FIGN: variants seen among roughly 807,000 people sequenced by gnomAD.
FIGN encodes the protein fidgetin.
A neutral mutation model predicts 51.3 loss-of-function variants in FIGN; 11 were observed. The ratio of observed to expected loss-of-function variants is 0.21; its 90% confidence interval spans 0.13 to 0.35. The LOEUF is 0.35. Among genes scored for constraint, FIGN ranks in the 10% least tolerant of loss-of-function variants. The pLI, the probability that FIGN is intolerant of heterozygous loss-of-function variation, is 1.00. For missense variants in FIGN, 857 were observed against 943.6 expected, an observed-to-expected ratio of 0.91 and a Z score of 1.20; for synonymous variants, 407 against 363.2, an observed-to-expected ratio of 1.12 and a Z score of -1.37.
chr2:163,616,987 A>T, intron 2 of FIGN: 1 of 521,574 alleles, frequency 1.9e-6, no homozygotes, highest in Non-Finnish European at 2.5e-6. Flanking sequence ...TGCAATATCT[A>T]CTTATTATCA....
At chr2:163,620,788 A>T (rs1682955511) in intron 2 of FIGN, among the ~76,000 whole-genome samples, 1 of 151,934 alleles carries the variant, frequency 6.6e-6, no homozygotes, top group Admixed American at 6.6e-5. Context: ...AGTATATTTC[A>T]TCAATCATAA....
intron 2 of FIGN, among the ~76,000 whole-genome samples, chr2:163,643,344 A>G (rs1683332440): frequency 6.6e-6 from 1 of 152,130 alleles, no homozygotes; most frequent in Non-Finnish European, 1.5e-5. Flanking sequence ...ACGAAGTTGG[A>G]CTCCACTTTA....
intron 2 of FIGN, among the ~76,000 whole-genome samples, chr2:163,688,724 G>T (rs1684193235): frequency 6.6e-6 from 1 of 152,108 alleles, no homozygotes; most frequent in Non-Finnish European, 1.5e-5. Context: ...GGTCGCAAGA[G>T]GGAGAACCTA....
intron 2 of FIGN, among the ~76,000 whole-genome samples, chr2:163,675,213 A>T (rs1683937455): frequency 6.6e-6 from 1 of 152,148 alleles, no homozygotes; most frequent in Admixed American, 6.5e-5. Context: ...TTTTCTTGTC[A>T]CTTCTTCCAT....
intron 2 of FIGN, among the ~76,000 whole-genome samples, chr2:163,640,533 T>C (rs560853966): frequency 8.3e-4 from 127 of 152,280 alleles, no homozygotes; most frequent in African/African-American, 3.0e-3. Flanking sequence ...TGATTTTAAA[T>C]ATAATTTACT....
intron 2 of FIGN, among the ~76,000 whole-genome samples, chr2:163,655,804 C>CACACAG (rs374458554): frequency 2.0e-4 from 29 of 145,850 alleles, no homozygotes; most frequent in African/African-American, 6.8e-4. Flanking sequence ...CACACACACA[C>CACACAG]AGAGAGAGAG....
In FIGN at chr2:163,656,514, G is replaced by A. The variant is rs1683561189; in HGVS notation, c.26-44708C>T. On this transcript the variant is annotated intron_variant, in intron 2 of 2. Transcript: ENST00000333129. ...CTGACCAAGGCAGGCCACACTCCTG[G>A]AGGGGCTCATCAAACCAAACTTCTG... is the stretch of plus-strand genomic sequence containing the variant. 2.0e-5 allele frequency among the ~76,000 whole-genome samples: 3 copies of A among 152,058 alleles called. 1 individual carries two copies. The highest frequency in any genetic ancestry group is 6.3e-3 in the Middle Eastern group (2 of 316).
At chr2:163,656,870 G>T (rs1683567099) in intron 2 of FIGN, among the ~76,000 whole-genome samples, 1 of 152,072 alleles carries the variant, frequency 6.6e-6, no homozygotes, top group African/African-American at 2.4e-5. Context: ...TACCTTTAGA[G>T]CCCAGGAAAA....
rs775588494 is a variant in FIGN at position 163,609,690 on chromosome 2, T to C, written c.2142A>G (p.Ser714=). 6.2e-7 allele frequency: 1 copy of C among 1,614,122 alleles called. No homozygotes were observed. The highest frequency in any genetic ancestry group is 1.1e-5 in the South Asian group (1 of 91,086). The change falls in exon 3 of 3, where the codon TCA becomes TCG. Residue 714 remains serine, a synonymous_variant. Transcript: ENST00000333129. ...PLHAMPATDL[S]AIMPSQLRPV... is the part of the protein sequence containing the mutation. ...GCCTCAACTGGCTGGGCATAATGGC[T>C]GAAAGGTCTGTGGCTGGCATGGCAT... is the stretch of plus-strand genomic sequence containing the variant.
At chr2:163,667,338 CA>C (rs397952314) in intron 2 of FIGN, among the ~76,000 whole-genome samples, 318 of 127,486 alleles carry the variant, frequency 2.5e-3, no homozygotes, top group African/African-American at 5.6e-3. Flanking sequence ...ACTATCCCCA[CA>C]AAAAAAAAAA....
chr2:163,610,017 C>T lies in FIGN; in HGVS notation c.1815G>A (p.Met605Ile), dbSNP rs1691200892. 1 of 1,614,094 alleles carries T rather than the reference C, an allele frequency of 6.2e-7. No homozygotes were observed. Among genetic ancestry groups the T allele is most frequent in the South Asian group, 1.1e-5 (1 of 91,072 alleles). ...CCAGTTGCATCAGAAATTCGGTTCTCATCCGACTGACTGGACTATGTTCCT... is the reference window on the plus strand; with the variant it reads ...CCAGTTGCATCAGAAATTCGGTTCTTATCCGACTGACTGGACTATGTTCCT... ...VNEEHSPVSR[M>I]RTEFLMQLDT... is the part of the protein sequence containing the mutation. The change falls in exon 3 of 3, where the codon ATG (methionine) becomes ATA (isoleucine). Residue 605 changes from methionine to isoleucine, a missense_variant. Met to Ile is a conservative substitution (Grantham distance 10, BLOSUM62 1). This residue lies in a region of FIGN where 799 missense variants were observed against 849.5 expected (regional missense o/e 0.94). Transcript: ENST00000333129.
chr2:163,715,249 G>A (rs764687015), intron 2 of FIGN, among the ~76,000 whole-genome samples: 2 of 152,144 alleles, frequency 1.3e-5, no homozygotes, highest in Non-Finnish European at 2.9e-5. Flanking sequence ...CTCAGTACTC[G>A]AGCTCACCAG....
Position 163,647,661 on chromosome 2 carries a change from T to G in FIGN, c.26-35855A>C, listed in dbSNP as rs567495712. On this transcript the variant is annotated intron_variant, in intron 2 of 2. Transcript: ENST00000333129. Reference sequence around the variant, plus strand: ...TTTTCTTCCATAACCTGATTATTTTTCAGTAACAAACTTTATAAAACAAGA... The same window carrying G: ...TTTTCTTCCATAACCTGATTATTTTGCAGTAACAAACTTTATAAAACAAGA... Among the ~76,000 whole-genome samples, 9 of 152,332 alleles carry G rather than the reference T, an allele frequency of 5.9e-5. No individual in the cohort carries two copies. The East Asian group carries it at 1.7e-3, about 29-fold the overall frequency.
At chr2:163,708,730 G>A (rs1684541276) in intron 2 of FIGN, among the ~76,000 whole-genome samples, 1 of 152,098 alleles carries the variant, frequency 6.6e-6, no homozygotes. Flanking sequence ...GGGCAGGAGT[G>A]GACGGTGCTG....
chr2:163,713,935 C>T (rs771248900), intron 2 of FIGN, among the ~76,000 whole-genome samples: 148 of 152,280 alleles, frequency 9.7e-4, no homozygotes, highest in Non-Finnish European at 1.7e-3. Flanking sequence ...GCTCTCCCTC[C>T]GTTACATACC....
rs530828126 is a variant in FIGN at position 163,620,407 on chromosome 2, T to G, written c.26-8601A>C. On this transcript the variant is annotated intron_variant, in intron 2 of 2. Coordinates refer to ENST00000333129, the MANE Select transcript of FIGN (RefSeq NM_018086.4). ...CAGTGGCTAATGAATATGTATGTTC[T>G]GTGTCACAACAGAGCACTACCCTTG... Among the ~76,000 whole-genome samples the G allele has an allele frequency of 1.1e-3, 160 of 152,286 alleles. 2 individuals are homozygous for G. The South Asian group carries it at 0.021, about 20-fold the overall frequency.
chr2:163,655,938 G>A (rs1457638498), intron 2 of FIGN, among the ~76,000 whole-genome samples: 1 of 152,126 alleles, frequency 6.6e-6, no homozygotes, highest in Non-Finnish European at 1.5e-5. Flanking sequence ...CTGAGCTAGG[G>A]AGTCTTTCAT....
At position 163,611,481 on chromosome 2, in the gene FIGN, A is replaced by G. The variant is rs774507514; in HGVS notation, c.351T>C (p.Ala117=). 16 of 1,614,056 alleles carry G rather than the reference A, an allele frequency of 9.9e-6. No homozygotes were observed. Among genetic ancestry groups the G allele is most frequent in the Non-Finnish European group, 1.7e-6 (2 of 1,180,028 alleles). ...EPWQPSLNSE[A]VYPMNCVPDV... ...CCGGAACACAGTTCATGGGATAAAC[A>G]GCTTCTGAATTCAAGGAAGGCTGCC... The change falls in exon 3 of 3, where the codon GCT becomes GCC. Residue 117 remains alanine, a synonymous_variant. Transcript: ENST00000333129.
Position 163,680,881 on chromosome 2 carries a change from C to A in FIGN, c.25+54022G>T, listed in dbSNP as rs574918216. 2.6e-5 allele frequency among the ~76,000 whole-genome samples: 4 copies of A among 152,162 alleles called. No individual in the cohort carries two copies. In the South Asian group the frequency reaches 8.3e-4, roughly 32 times the overall value. ...AGAAAAAAAAAATGCCTTATTAGTT[C>A]TGGTATCCTTATCAGCCTGTCTAGC... On this transcript the variant is annotated intron_variant, in intron 2 of 2. Coordinates refer to ENST00000333129, the MANE Select transcript of FIGN (RefSeq NM_018086.4).
Sources: allele counts gnomAD v4.1 joint callset (sites outside exome capture counted in the v4.1 genomes callset), GRCh38; gene constraint gnomAD v4.1.1; regional missense constraint gnomAD v4.1.1; transcripts MANE v1.5; gene names NCBI Gene and HGNC (gene_info 2026-07-23, HGNC 2026-07-21).